EFR3A: variants seen among roughly 807,000 people sequenced by gnomAD.
EFR3A encodes the protein protein EFR3 homolog A.
EFR3A carries 76 observed loss-of-function variants against 104.4 expected under a neutral mutation model. The observed-to-expected ratio is 0.73, with a 90% CI of 0.60 to 0.88. EFR3A has a LOEUF of 0.88. EFR3A is among the 40% of genes least tolerant of loss of function. The pLI, the probability that EFR3A is intolerant of heterozygous loss-of-function variation, is 0.00. For missense variants in EFR3A, 985 were observed against 1,012.5 expected (o/e 0.97, Z 0.37); for synonymous variants, 330 against 330.0 (o/e 1.00, Z 0.00).
chr8:131,940,685 C>A, intron 2 of EFR3A, 110 bp downstream of exon 2: 1 of 1,431,298 alleles, frequency 7.0e-7, no homozygotes, highest in South Asian at 1.6e-5. Context: ...CCTTACATCT[C>A]ATCATTTATA....
chr8:131,973,984 G>A (rs747438253), intron 10 of EFR3A, among the ~76,000 whole-genome samples: 12 of 152,196 alleles, frequency 7.9e-5, no homozygotes, highest in Admixed American at 1.3e-4. Flanking sequence ...TTTAATAGTC[G>A]TTTGTCTAAT....
chr8:131,946,434 A>G, intron 3 of EFR3A, 49 bp from the exon 4 acceptor site: 3 of 1,461,712 alleles, frequency 2.1e-6, no homozygotes, highest in Non-Finnish European at 2.7e-6. Context: ...CACTTAGGAG[A>G]ATTAAGAGAG....
At chr8:131,907,973 C>G (rs1464718411) in intron 1 of EFR3A, among the ~76,000 whole-genome samples, 1 of 152,096 alleles carries the variant, frequency 6.6e-6, no homozygotes, top group Admixed American at 6.5e-5. Flanking sequence ...CAGTCTGTCC[C>G]CACTTGTGGG....
chr8:132,009,930 A>G (rs901590003), intron 22 of EFR3A, among the ~76,000 whole-genome samples: 2 of 152,068 alleles, frequency 1.3e-5, no homozygotes, highest in African/African-American at 4.8e-5. Context: ...GTATCATATG[A>G]CAAAAGGTTA....
At chr8:131,997,652 C>G (rs1318217599) in intron 19 of EFR3A, among the ~76,000 whole-genome samples, 1 of 152,046 alleles carries the variant, frequency 6.6e-6, no homozygotes, top group Non-Finnish European at 1.5e-5. Flanking sequence ...TTTATACACT[C>G]CTTACCAGTA....
At chr8:131,919,471 C>T (rs1816894204) in intron 1 of EFR3A, among the ~76,000 whole-genome samples, 1 of 151,836 alleles carries the variant, frequency 6.6e-6, no homozygotes, top group South Asian at 2.1e-4. Flanking sequence ...GTGGCGGGCG[C>T]CCACTACTCA....
intron 18 of EFR3A, among the ~76,000 whole-genome samples, chr8:131,988,179 TCTGTGAACTA>T (rs1563694852): frequency 2.0e-5 from 3 of 151,820 alleles, no homozygotes; most frequent in Admixed American, 6.6e-5. Flanking sequence ...ATATATTTTC[TCTGTGAACTA>T]TATATTTTCC....
At chr8:132,006,946 A>G (rs1379530294) in intron 22 of EFR3A, among the ~76,000 whole-genome samples, 1 of 151,984 alleles carries the variant, frequency 6.6e-6, no homozygotes, top group East Asian at 1.9e-4. Flanking sequence ...AGCATTTGAA[A>G]AAGCTCAATG....
Position 132,011,226 on chromosome 8 carries a change from C to A in EFR3A, c.*331C>A. On this transcript the variant is annotated 3_prime_UTR_variant, in exon 23 of 23. Transcript: ENST00000254624. ...TAATGTTTTTTAAAAAGTAAGCCTT[C>A]AGAGGATTGAAACTGTATAAATTGT... 1 of 1,009,522 alleles carries A rather than the reference C, an allele frequency of 9.9e-7. No individual in the cohort carries two copies. Among genetic ancestry groups the A allele is most frequent in the South Asian group, 4.4e-5 (1 of 22,716 alleles). 62.5% of individuals were successfully genotyped at this position (1,009,522 alleles called of 1,614,324 possible). A position where few individuals can be genotyped will look rare whatever the true frequency, so the allele number is the denominator to read the frequency against.
At chr8:131,973,943 A>G (rs1451063622) in intron 10 of EFR3A, among the ~76,000 whole-genome samples, 2 of 152,190 alleles carry the variant, frequency 1.3e-5, no homozygotes, top group Non-Finnish European at 2.9e-5. Flanking sequence ...TATTAGTTGC[A>G]TTTCTTTCCT....
At chr8:131,968,532 C>A in intron 9 of EFR3A, 102 bp downstream of exon 9, 2 of 1,217,940 alleles carry the variant, frequency 1.6e-6, no homozygotes, top group East Asian at 5.4e-5. Flanking sequence ...AATATTTCTA[C>A]ACATTTTTCG....
intron 22 of EFR3A, among the ~76,000 whole-genome samples, chr8:132,005,206 C>T (rs969789412): frequency 6.6e-6 from 1 of 152,108 alleles, no homozygotes; most frequent in African/African-American, 2.4e-5. Context: ...GAAGCAGTAG[C>T]TCTGGAATAG....
intron 7 of EFR3A, among the ~76,000 whole-genome samples, chr8:131,956,293 T>G (rs1219245973): frequency 1.3e-5 from 2 of 152,196 alleles, no homozygotes; most frequent in African/African-American, 4.8e-5. Context: ...TGGCTCTCTT[T>G]TTGCCATGGC....
Position 131,987,641 on chromosome 8 carries a change from G to A in EFR3A, c.2004G>A (p.Ser668=), listed in dbSNP as rs201078984. 9.4e-6 allele frequency: 15 copies of A among 1,597,290 alleles called. No homozygotes were observed. The highest frequency in any genetic ancestry group is 6.8e-5 in the South Asian group (6 of 88,404). The part of the protein sequence containing the change: ...LYFLTNKIAE[S]LGGSGYSVER... ...TTCTGACCAACAAGATTGCAGAGTC[G>A]CTAGGTGGAAGTGGATATAGTGTTG... is the stretch of plus-strand genomic sequence containing the variant. Residue 668 remains serine, a synonymous_variant, in exon 18 of 23, where the codon TCG becomes TCA. Coordinates refer to ENST00000254624, the MANE Select transcript of EFR3A (RefSeq NM_015137.6).
At position 131,955,793 on chromosome 8, in the gene EFR3A, T is replaced by C. The variant is rs776913839; in HGVS notation, c.664T>C (p.Ser222Pro). The C allele has an allele frequency of 4.3e-6, 7 of 1,613,182 alleles. No homozygotes were observed. The highest frequency in any genetic ancestry group is 5.9e-6 in the Non-Finnish European group (7 of 1,179,398). Residue 222 changes from serine to proline, a missense_variant, in exon 7 of 23, where the codon TCT becomes CCT. Transcript: ENST00000254624. ...DSRIGPPSSPSATDKEENPAV... is the reference protein window; with the variant it reads ...DSRIGPPSSPPATDKEENPAV... ...TCGCATAGGCCCTCCTTCTTCTCCT[T>C]CTGCAACTGACAAAGAAGAGAATCC...
intron 9 of EFR3A, among the ~76,000 whole-genome samples, chr8:131,969,311 T>G (rs1819923046): frequency 6.6e-6 from 1 of 152,160 alleles, no homozygotes; most frequent in Non-Finnish European, 1.5e-5. Flanking sequence ...TAGTCATCCC[T>G]CAGTATCTGC....
chr8:132,002,421 G>A (rs1417889312), intron 20 of EFR3A, among the ~76,000 whole-genome samples, 182 bp from the exon 21 acceptor site: 2 of 152,096 alleles, frequency 1.3e-5, no homozygotes, highest in Non-Finnish European at 2.9e-5. Flanking sequence ...TTTTGTGTGT[G>A]TGTGCTTTCT....
rs1251728395 is a variant in EFR3A, at chr8:132,001,794, G to T, written c.2193G>T (p.Leu731Phe). ...CTGAAGAAATCACTTTTGAAGCATT[G>T]AAGAAAGCAATTGGTGAGATATTTT... Reference protein sequence around the residue: ...SNTEEITFEALKKAIDTSGME... With the variant: ...SNTEEITFEAFKKAIDTSGME... Residue 731 changes from leucine to phenylalanine, a missense_variant, in exon 20 of 23, where the codon TTG becomes TTT. By Grantham distance (22) the Leu-to-Phe change is conservative. Transcript: ENST00000254624. 1 of 1,613,160 alleles carries T rather than the reference G, an allele frequency of 6.2e-7. No homozygotes were observed. Among genetic ancestry groups the T allele is most frequent in the African/African-American group, 1.3e-5 (1 of 74,882 alleles).
intron 11 of EFR3A, 113 bp downstream of exon 11, chr8:131,976,254 C>A: frequency 2.8e-6 from 2 of 706,540 alleles, no homozygotes; most frequent in Non-Finnish European, 4.8e-6. Context: ...TAATAGCATT[C>A]CTATGGAAAG....
Sources: gnomAD v4.1 joint callset for allele counts (sites outside exome capture counted in the v4.1 genomes callset) on GRCh38, gnomAD v4.1.1 for gene constraint, MANE v1.5 for transcripts, NCBI Gene and HGNC (gene_info 2026-07-23, HGNC 2026-07-21) for gene names.